COL25A1: variants seen among roughly 807,000 people sequenced by gnomAD.
The protein encoded by COL25A1 is collagen type XXV alpha 1 chain.
In COL25A1, 103 loss-of-function variants were observed where a neutral mutation model predicts 128.4. The ratio of observed to expected loss-of-function variants is 0.80; its 90% CI spans 0.68 to 0.94. The LOEUF (loss-of-function observed/expected upper bound fraction) is 0.94. Among genes scored for constraint, COL25A1 ranks in the 40% least tolerant of loss-of-function variants. The probability of loss-of-function intolerance (pLI) is 0.00; values close to 1 mark genes in which losing one functional copy is unlikely to be tolerated. For synonymous variants in COL25A1, 279 were observed against 277.2 expected, an observed-to-expected ratio of 1.01 and a Z score of -0.06; for missense variants, 745 against 840.0, an observed-to-expected ratio of 0.89 and a Z score of 1.40.
chr4:109,075,240 AT>A (rs1261640277), intron 3 of COL25A1, among the ~76,000 whole-genome samples: 1 of 152,098 alleles, frequency 6.6e-6, no homozygotes, highest in African/African-American at 2.4e-5. Flanking sequence ...TAGTCTCATT[AT>A]TTTGTTCTTT....
chr4:109,036,530 G>A (rs1759368983), intron 5 of COL25A1, among the ~76,000 whole-genome samples: 1 of 152,142 alleles, frequency 6.6e-6, no homozygotes, highest in South Asian at 2.1e-4. Context: ...TAGAGGGTTG[G>A]GTGGATGTGG....
chr4:108,927,163 C>A (rs1746164263), intron 11 of COL25A1, among the ~76,000 whole-genome samples: 1 of 152,132 alleles, frequency 6.6e-6, no homozygotes, highest in African/African-American at 2.4e-5. Context: ...TCTTCAAGGC[C>A]CAGTGGTCAT....
In COL25A1 at chr4:109,302,094, G is replaced by T. The variant is rs988554896; in HGVS notation, c.-56-19C>A. On this transcript the variant is annotated intron_variant, in intron 1 of 37. Coordinates refer to ENST00000399132, the MANE Select transcript of COL25A1 (RefSeq NM_198721.4). Reference sequence around the variant, plus strand: ...AATAATCCTAAAAGGAAAGAAAAAGGTCGATTCCTCCAAAGTTCAGTCCCT... The same window carrying T: ...AATAATCCTAAAAGGAAAGAAAAAGTTCGATTCCTCCAAAGTTCAGTCCCT... 6.8e-7 allele frequency: 1 copy of T among 1,475,784 alleles called. No individual in the cohort carries two copies. Among genetic ancestry groups the T allele is most frequent in the African/African-American group, 1.4e-5 (1 of 71,076 alleles). The allele number at this position is 1,475,784 out of a possible 1,614,324, so 91.4% of individuals were successfully genotyped here.
intron 3 of COL25A1, among the ~76,000 whole-genome samples, chr4:109,288,955 TTATA>T (rs746459430): frequency 4.4e-4 from 55 of 124,700 alleles, no homozygotes; most frequent in African/African-American, 1.5e-3. Flanking sequence ...GAATACTAAA[TTATA>T]TATACACACA....
At chr4:109,065,535 C>A (rs772181894) in intron 3 of COL25A1, among the ~76,000 whole-genome samples, 3 of 128,544 alleles carry the variant, frequency 2.3e-5, no homozygotes, top group South Asian at 2.4e-4. Flanking sequence ...GTGCAGCACG[C>A]GCGCGCGCGC....
At chr4:109,216,632 A>T (rs1043089556) in intron 3 of COL25A1, among the ~76,000 whole-genome samples, 1 of 152,156 alleles carries the variant, frequency 6.6e-6, no homozygotes, top group Admixed American at 6.6e-5. Flanking sequence ...AAGCCAAGAA[A>T]TGCCCGGTAC....
At chr4:109,202,186 A>C (rs1044311896) in intron 3 of COL25A1, among the ~76,000 whole-genome samples, 9 of 152,186 alleles carry the variant, frequency 5.9e-5, no homozygotes, top group African/African-American at 2.2e-4. Context: ...GAACAAAATC[A>C]GAGGACTGAT....
At chr4:108,844,407 C>T (rs1264813011) in intron 30 of COL25A1, 112 bp downstream of exon 30, 1 of 1,571,654 alleles carries the variant, frequency 6.4e-7, no homozygotes, top group Non-Finnish European at 8.7e-7. Context: ...CCATCCATTC[C>T]ACAGAGAGTA....
In COL25A1 at chr4:109,265,518, CGTGTGTGTGTGTGTGTGTGT is replaced by C. The variant is rs57643656; in HGVS notation, c.367+35045_367+35064del. 6.0e-4 allele frequency among the ~76,000 whole-genome samples: 78 copies of C among 129,702 alleles called. 1 individual carries two copies. Among genetic ancestry groups the C allele is most frequent in the South Asian group, 1.6e-3 (6 of 3,690 alleles). The allele number at this position is 129,702 out of a possible 152,430, so 85.1% of individuals were successfully genotyped here. A position where few individuals can be genotyped will look rare whatever the true frequency, so the allele number is the denominator to read the frequency against. ...GTGTTTTCTTACAGTAATAACAGTACGTGTGTGTGTGTGTGTGTGTGTGTGTGTGTGTGTGTGTGTGTGTG... is the reference window on the plus strand; with the variant it reads ...GTGTTTTCTTACAGTAATAACAGTACGTGTGTGTGTGTGTGTGTGTGTGTG... On this transcript the variant is annotated intron_variant, in intron 3 of 37. Transcript: ENST00000399132.
rs184678620 is a variant in COL25A1 at position 108,903,080 on chromosome 4, C to A, written c.781-1908G>T. Among the ~76,000 whole-genome samples, 5 of 151,912 alleles carry A rather than the reference C, an allele frequency of 3.3e-5. No individual in the cohort carries two copies. In the East Asian group the frequency reaches 9.6e-4, roughly 29 times the overall value. On this transcript the variant is annotated intron_variant, in intron 13 of 37. Coordinates refer to ENST00000399132, the MANE Select transcript of COL25A1 (RefSeq NM_198721.4). ...GTTTTTTAAAAAATAAATGGTTAAG[C>A]CCCTGGAACCGGACAAAATTCATGC...
At chr4:109,001,631 T>C (rs1755427645) in intron 6 of COL25A1, among the ~76,000 whole-genome samples, 1 of 152,218 alleles carries the variant, frequency 6.6e-6, no homozygotes, top group South Asian at 2.1e-4. Context: ...AGAAACTCAA[T>C]TATCAGAGAA....
intron 3 of COL25A1, among the ~76,000 whole-genome samples, chr4:109,185,842 G>A (rs934485805): frequency 6.6e-6 from 1 of 152,054 alleles, no homozygotes; most frequent in Non-Finnish European, 1.5e-5. Flanking sequence ...AGAGCACACA[G>A]CAAGAAGCCA....
Position 108,893,207 on chromosome 4 carries a change from G to T in COL25A1, c.906+3460C>A, listed in dbSNP as rs376329957. Among the ~76,000 whole-genome samples, 8 of 152,170 alleles carry T rather than the reference G, an allele frequency of 5.3e-5. No individual in the cohort carries two copies. The East Asian group carries it at 1.4e-3, about 26-fold the overall frequency. On this transcript the variant is annotated intron_variant, in intron 16 of 37. Coordinates refer to ENST00000399132, the MANE Select transcript of COL25A1 (RefSeq NM_198721.4). ...CACATAGGAATGGAAATGGGGGAGAGGGGAGCAAAGAAAAAAAAACAGGTA... is the reference window on the plus strand; with the variant it reads ...CACATAGGAATGGAAATGGGGGAGATGGGAGCAAAGAAAAAAAAACAGGTA...
chr4:109,219,477 C>CCTTG (rs1778270281), intron 3 of COL25A1, among the ~76,000 whole-genome samples: 1 of 151,978 alleles, frequency 6.6e-6, no homozygotes, highest in Non-Finnish European at 1.5e-5. Context: ...ACCCTATGTT[C>CCTTG]CTTGCTTCTT....
At chr4:108,987,165 A>G (rs183724713) in intron 6 of COL25A1, among the ~76,000 whole-genome samples, 1 of 152,264 alleles carries the variant, frequency 6.6e-6, no homozygotes, top group East Asian at 1.9e-4. Flanking sequence ...AGCCTTCTAT[A>G]ACCTGCTCCT....
rs1280999870 is a variant in COL25A1 at position 108,852,885 on chromosome 4, C to A, written c.1344+17G>T. On this transcript the variant is annotated intron_variant, in intron 25 of 37. Coordinates refer to ENST00000399132, the MANE Select transcript of COL25A1 (RefSeq NM_198721.4). ...ATACAAAACCACAAACCACAGAAAGCATGCAATAGGAGTTACCGTGACAGT... is the reference window on the plus strand; with the variant it reads ...ATACAAAACCACAAACCACAGAAAGAATGCAATAGGAGTTACCGTGACAGT... 1.2e-6 allele frequency: 2 copies of A among 1,606,338 alleles called. No individual in the cohort carries two copies. The highest frequency in any genetic ancestry group is 1.7e-6 in the Non-Finnish European group (2 of 1,175,896).
At chr4:109,053,377 C>T (rs77116007) in intron 3 of COL25A1, among the ~76,000 whole-genome samples, 11,204 of 152,244 alleles carry the variant, frequency 0.074, 506 homozygotes, top group Non-Finnish European at 0.09. Context: ...TCCTAAACCA[C>T]GCCAGTTCTT....
intron 3 of COL25A1, among the ~76,000 whole-genome samples, chr4:109,292,148 G>A (rs986613157): frequency 3.4e-5 from 5 of 148,138 alleles, no homozygotes; most frequent in African/African-American, 1.2e-4. Flanking sequence ...GGAGAGAGGT[G>A]GGCAGCAGAA....
rs997177213 is a variant in COL25A1, at chr4:109,138,451, G to C, written c.368-88272C>G. The stretch of plus-strand genomic sequence containing the variant: ...GAATAGTGCCGCAATAAACATACAT[G>C]TGCATGTGTCTTTATAGTAGAATGA... On this transcript the variant is annotated intron_variant, in intron 3 of 37. Transcript: ENST00000399132. Among the ~76,000 whole-genome samples, 9 of 152,136 alleles carry C rather than the reference G, an allele frequency of 5.9e-5. No individual in the cohort carries two copies. The East Asian group carries it at 7.7e-4, about 13-fold the overall frequency.
Sources: gnomAD v4.1 joint callset for allele counts (sites outside exome capture counted in the v4.1 genomes callset) on GRCh38, gnomAD v4.1.1 for gene constraint, MANE v1.5 for transcripts, NCBI Gene and HGNC (gene_info 2026-07-23, HGNC 2026-07-21) for gene names.